Variants in MMS22L observed in about 807,000 individuals in gnomAD.
The protein encoded by MMS22L is MMS22 like, DNA repair protein.
Under a neutral mutation model 159.1 loss-of-function variants are expected in MMS22L, and 74 were observed. The ratio of observed to expected loss-of-function variants is 0.47; its 90% CI spans 0.39 to 0.56. The LOEUF (loss-of-function observed/expected upper bound fraction) is 0.56. Among genes scored for constraint, MMS22L ranks in the 20% least tolerant of loss-of-function variants. The pLI is 0.00. For missense variants in MMS22L, 1,351 were observed against 1,422.1 expected (o/e 0.95, Z 0.80); for synonymous variants, 517 against 506.9 (o/e 1.02, Z -0.27).
In MMS22L at chr6:97,228,935, C is replaced by T; in HGVS notation, c.1998G>A (p.Arg666=). 1 of 1,614,056 alleles carries T rather than the reference C, an allele frequency of 6.2e-7. No homozygotes were observed. Among genetic ancestry groups the T allele is most frequent in the Non-Finnish European group, 8.5e-7 (1 of 1,179,990 alleles). Residue 666 remains arginine (R), a synonymous_variant, in exon 14 of 25, where the codon AGG becomes AGA. Transcript: ENST00000683635. Reference sequence around the variant, plus strand: ...CAGCTTGTAGGAAGCTCAATACTGTCCTAAGTTCAGATTCTCGACATGCTC... The same window carrying T: ...CAGCTTGTAGGAAGCTCAATACTGTTCTAAGTTCAGATTCTCGACATGCTC... ...LLRACRESEL[R]TVLSFLQAVL... is the part of the protein sequence containing the mutation.
intron 14 of MMS22L, among the ~76,000 whole-genome samples, chr6:97,191,611 G>A (rs1805873811): frequency 6.6e-6 from 1 of 152,074 alleles, no homozygotes; most frequent in Non-Finnish European, 1.5e-5. Context: ...AAAATATAAT[G>A]GAAAATTTTA....
chr6:97,188,255 T>C (rs1425554623), intron 14 of MMS22L, among the ~76,000 whole-genome samples: 1 of 152,198 alleles, frequency 6.6e-6, no homozygotes, highest in Non-Finnish European at 1.5e-5. Flanking sequence ...TTTATAGCTT[T>C]TTCAAAGTAT....
In MMS22L at chr6:97,142,634, TAC is replaced by T. The variant is rs1178096005; in HGVS notation, c.*4170_*4171del. ...TTTTGGTGAGGTTTCTGTATCTATT[TAC>T]CTTTTAGACATGGGGAGACATGAGT... On this transcript the variant is annotated 3_prime_UTR_variant, in exon 25 of 25. Transcript: ENST00000683635. The T allele has an allele frequency of 2.0e-5, 3 of 152,132 alleles. No homozygotes were observed. Among genetic ancestry groups the T allele is most frequent in the African/African-American group, 7.2e-5 (3 of 41,454 alleles). The allele number at this position is 152,132 out of a possible 1,614,324, so 9.4% of individuals were successfully genotyped here.
intron 7 of MMS22L, among the ~76,000 whole-genome samples, chr6:97,269,200 TA>T (rs200099923): frequency 7.3e-5 from 11 of 151,534 alleles, no homozygotes; most frequent in South Asian, 2.1e-4. Flanking sequence ...AAATTGCAGA[TA>T]AAAAAAAGCC....
intron 21 of MMS22L, among the ~76,000 whole-genome samples, chr6:97,163,442 T>C (rs1405348342): frequency 6.6e-6 from 1 of 151,760 alleles, no homozygotes; most frequent in Non-Finnish European, 1.5e-5. Context: ...TTCCTGAGTA[T>C]TAAAAAAAAA....
chr6:97,181,852 T>C (rs1203928531), intron 16 of MMS22L, 52 bp downstream of exon 16: 1 of 1,557,490 alleles, frequency 6.4e-7, no homozygotes, highest in African/African-American at 1.4e-5. Flanking sequence ...CCTAGGATAC[T>C]GATCTGTCAC....
chr6:97,179,807 G>A (rs1804520550), intron 16 of MMS22L, among the ~76,000 whole-genome samples: 1 of 152,066 alleles, frequency 6.6e-6, no homozygotes. Context: ...TTCCACTGAT[G>A]GCATATGTGT....
At chr6:97,153,364 C>CTTTTTTTTTT (rs59258093) in intron 22 of MMS22L, among the ~76,000 whole-genome samples, 2 of 78,110 alleles carry the variant, frequency 2.6e-5, no homozygotes, top group African/African-American at 1.1e-4. Context: ...CTCTACAGAT[C>CTTTTTTTTTT]TTTTTTTTTT....
chr6:97,254,375 A>G, intron 10 of MMS22L, 182 bp downstream of exon 10: 1 of 572,082 alleles, frequency 1.7e-6, no homozygotes. Context: ...TTTTTTAATT[A>G]AACAATTAAA....
intron 14 of MMS22L, among the ~76,000 whole-genome samples, chr6:97,198,884 TATC>T (rs912000197): frequency 4.6e-5 from 7 of 152,176 alleles, no homozygotes; most frequent in African/African-American, 1.4e-4. Flanking sequence ...TTATGTATAT[TATC>T]ATATTTCCTC....
rs2128228650 is a variant in MMS22L at position 97,144,944 on chromosome 6, CT to C, written c.*1861del. On this transcript the variant is annotated 3_prime_UTR_variant, in exon 25 of 25. Transcript: ENST00000683635. ...AAGCATGATTCAGTAGCAGCTTTTC[CT>C]ATCCTTTAAACGTTTTCATACTCTA... is the stretch of plus-strand genomic sequence containing the variant. 1 of 149,660 alleles carries C rather than the reference CT, an allele frequency of 6.7e-6. No individual in the cohort carries two copies. Among genetic ancestry groups the C allele is most frequent in the South Asian group, 2.2e-4 (1 of 4,634 alleles). The allele number at this position is 149,660 out of a possible 1,614,324, so 9.3% of individuals were successfully genotyped here.
chr6:97,258,360 G>A (rs1183720207), intron 9 of MMS22L, among the ~76,000 whole-genome samples: 1 of 152,020 alleles, frequency 6.6e-6, no homozygotes, highest in Non-Finnish European at 1.5e-5. Context: ...GCTTCATCCT[G>A]TAATCAGCCA....
chr6:97,185,729 C>G (rs1296837228), intron 15 of MMS22L, among the ~76,000 whole-genome samples: 1 of 151,984 alleles, frequency 6.6e-6, no homozygotes, highest in African/African-American at 2.4e-5. Context: ...CTCGTATACA[C>G]TAGGATAAAT....
At chr6:97,196,514 T>C (rs1806526012) in intron 14 of MMS22L, among the ~76,000 whole-genome samples, 1 of 152,136 alleles carries the variant, frequency 6.6e-6, no homozygotes, top group African/African-American at 2.4e-5. Context: ...ATTTGTATAA[T>C]GTAACTATAG....
chr6:97,234,026 A>G (rs1219754095), intron 11 of MMS22L, 46 bp from the exon 12 acceptor site: 2 of 1,576,234 alleles, frequency 1.3e-6, no homozygotes, highest in African/African-American at 1.4e-5. Flanking sequence ...GGCTCTGGCA[A>G]TATAAACATT....
chr6:97,177,605 A>G (rs555384735), intron 18 of MMS22L, among the ~76,000 whole-genome samples: 1 of 152,292 alleles, frequency 6.6e-6, no homozygotes, highest in Non-Finnish European at 1.5e-5. Flanking sequence ...TTGCAGGTTC[A>G]GATCCAATCA....
intron 18 of MMS22L, among the ~76,000 whole-genome samples, chr6:97,173,485 A>G (rs1803775920): frequency 6.6e-6 from 1 of 152,178 alleles, no homozygotes; most frequent in African/African-American, 2.4e-5. Flanking sequence ...GGGCCGACTT[A>G]GCAAAATATC....
chr6:97,220,152 T>C (rs1051847086), intron 14 of MMS22L, among the ~76,000 whole-genome samples: 9 of 152,324 alleles, frequency 5.9e-5, no homozygotes, highest in African/African-American at 1.9e-4. Context: ...AGGTCAAACT[T>C]GTCAACTTTG....
chr6:97,153,978 A>ATC (rs1342845898), intron 22 of MMS22L, among the ~76,000 whole-genome samples: 1 of 152,176 alleles, frequency 6.6e-6, no homozygotes, highest in East Asian at 1.9e-4. Flanking sequence ...ATATATATAT[A>ATC]TCTAGGGGTG....
Sources: allele counts gnomAD v4.1 joint callset (sites outside exome capture counted in the v4.1 genomes callset), GRCh38; gene constraint gnomAD v4.1.1; transcripts MANE v1.5; gene names NCBI Gene and HGNC (gene_info 2026-07-23, HGNC 2026-07-21).